PIP5K1B: variants seen among roughly 807,000 people sequenced by gnomAD.
PIP5K1B encodes phosphatidylinositol-4-phosphate 5-kinase type 1 beta.
PIP5K1B carries 42 observed loss-of-function variants against 67.0 expected under a neutral mutation model. That is an observed-to-expected ratio of 0.63 (90% CI 0.49 to 0.81). The LOEUF (loss-of-function observed/expected upper bound fraction) is 0.81, where lower values mean the gene tolerates loss of function less well. PIP5K1B is among the 30% of genes least tolerant of loss of function. The pLI is 0.00. For synonymous variants in PIP5K1B, 214 were observed against 231.4 expected, an observed-to-expected ratio of 0.92 and a Z score of 0.68; for missense variants, 459 against 646.3, an observed-to-expected ratio of 0.71 and a Z score of 3.14.
At chr9:68,963,662 GT>G (rs1828869113) in intron 14 of PIP5K1B, among the ~76,000 whole-genome samples, 1 of 152,182 alleles carries the variant, frequency 6.6e-6, no homozygotes, top group Non-Finnish European at 1.5e-5. Flanking sequence ...TGGTTCAGCT[GT>G]TACGGTGACT....
At chr9:68,944,114 A>G (rs1827688960) in intron 14 of PIP5K1B, among the ~76,000 whole-genome samples, 1 of 152,320 alleles carries the variant, frequency 6.6e-6, no homozygotes, top group Admixed American at 6.5e-5. Context: ...TATTTTCACA[A>G]GTTGCACTGT....
At chr9:68,924,478 A>G (rs1469584814) in intron 12 of PIP5K1B, among the ~76,000 whole-genome samples, 2 of 151,806 alleles carry the variant, frequency 1.3e-5, no homozygotes, top group Admixed American at 6.6e-5. Flanking sequence ...TTGAATAACT[A>G]GAAACAGAAG....
chr9:68,820,484 C>T (rs772240284), intron 3 of PIP5K1B, among the ~76,000 whole-genome samples: 6 of 152,130 alleles, frequency 3.9e-5, no homozygotes, highest in African/African-American at 7.2e-5. Context: ...GTTGGCTCAC[C>T]GTGATTCTTG....
intron 4 of PIP5K1B, among the ~76,000 whole-genome samples, chr9:68,838,755 G>A (rs563947126): frequency 1.3e-3 from 193 of 152,048 alleles, no homozygotes; most frequent in African/African-American, 4.1e-3. Context: ...AATAAAACTT[G>A]AAATAAATTT....
chr9:68,944,894 C>G (rs1827725271), intron 14 of PIP5K1B, among the ~76,000 whole-genome samples: 1 of 152,124 alleles, frequency 6.6e-6, no homozygotes, highest in African/African-American at 2.4e-5. Flanking sequence ...ATGCAGAAAC[C>G]TTACATGGTA....
intron 5 of PIP5K1B, 53 bp from the exon 6 acceptor site, chr9:68,876,624 G>C: frequency 1.0e-6 from 1 of 987,976 alleles, no homozygotes; most frequent in Non-Finnish European, 1.6e-6. Context: ...GGTCAAAATT[G>C]TCCTTGCTAA....
intron 7 of PIP5K1B, among the ~76,000 whole-genome samples, chr9:68,892,264 T>C (rs1824831117): frequency 6.6e-6 from 1 of 152,198 alleles, no homozygotes; most frequent in African/African-American, 2.4e-5. Context: ...CAAGTCTCAT[T>C]TGAAGAATGT....
At chr9:68,903,872 T>C (rs1489083696) in intron 8 of PIP5K1B, among the ~76,000 whole-genome samples, 1 of 152,226 alleles carries the variant, frequency 6.6e-6, no homozygotes, top group East Asian at 1.9e-4. Flanking sequence ...ATGTAATATG[T>C]AATCATCAAA....
At chr9:68,964,737 C>G (rs1828931377) in intron 14 of PIP5K1B, among the ~76,000 whole-genome samples, 2 of 152,228 alleles carry the variant, frequency 1.3e-5, no homozygotes, top group African/African-American at 2.4e-5. Flanking sequence ...GAGCAGCCAT[C>G]TGGGAAGACT....
At chr9:68,953,591 G>A (rs1828210196) in intron 14 of PIP5K1B, among the ~76,000 whole-genome samples, 1 of 151,940 alleles carries the variant, frequency 6.6e-6, no homozygotes, top group Non-Finnish European at 1.5e-5. Context: ...CGAGGTAGGA[G>A]GACTGTTGGA....
chr9:68,904,013 A>T (rs1450999716), intron 8 of PIP5K1B, among the ~76,000 whole-genome samples: 1 of 152,226 alleles, frequency 6.6e-6, no homozygotes, highest in Admixed American at 6.5e-5. Flanking sequence ...TCTATTACAT[A>T]TAGGTTCTCT....
At position 68,716,982 on chromosome 9, in the gene PIP5K1B, C is replaced by T. The variant is rs188600465; in HGVS notation, c.-243+11220C>T. ...GGCCGTTATCCTAAGCAAATTAACA[C>T]AGAAGCAACCAAATACCGCGTGTTC... On this transcript the variant is annotated intron_variant, in intron 1 of 15. Coordinates refer to ENST00000265382, the MANE Select transcript of PIP5K1B (RefSeq NM_003558.4). Among the ~76,000 whole-genome samples the T allele has an allele frequency of 4.6e-5, 7 of 152,300 alleles. No homozygotes were observed. In the East Asian group the frequency reaches 1.4e-3, roughly 29 times the overall value.
intron 2 of PIP5K1B, among the ~76,000 whole-genome samples, chr9:68,794,886 C>T (rs979798950): frequency 2.6e-5 from 4 of 152,012 alleles, no homozygotes; most frequent in Non-Finnish European, 5.9e-5. Context: ...TGTCAGGTTC[C>T]TTCTTGTGGG....
At chr9:68,875,813 T>G (rs1262954117) in intron 5 of PIP5K1B, among the ~76,000 whole-genome samples, 1 of 152,180 alleles carries the variant, frequency 6.6e-6, no homozygotes, top group East Asian at 1.9e-4. Flanking sequence ...ACTGAAAAAT[T>G]TAAGAATGAG....
intron 14 of PIP5K1B, among the ~76,000 whole-genome samples, chr9:68,971,730 T>A (rs1829381438): frequency 6.6e-6 from 1 of 152,276 alleles, no homozygotes; most frequent in Non-Finnish European, 1.5e-5. Context: ...TTGATTTGCA[T>A]TTCTCTAATG....
chr9:68,825,612 G>A (rs1400932737), intron 4 of PIP5K1B, among the ~76,000 whole-genome samples: 1 of 152,176 alleles, frequency 6.6e-6, no homozygotes, highest in Non-Finnish European at 1.5e-5. Flanking sequence ...AAGAAGCTTT[G>A]ATGACCCATT....
chr9:68,988,694 G>C (rs770998183), intron 14 of PIP5K1B, among the ~76,000 whole-genome samples: 12 of 152,024 alleles, frequency 7.9e-5, no homozygotes, highest in Non-Finnish European at 1.6e-4. Flanking sequence ...CAGATGATCT[G>C]CCCGCCTTGG....
intron 4 of PIP5K1B, among the ~76,000 whole-genome samples, chr9:68,822,982 A>G (rs1833803547): frequency 6.6e-6 from 1 of 152,078 alleles, no homozygotes. Context: ...TCCGGCTTCT[A>G]GAGGCTCCCT....
At chr9:68,925,284 G>A (rs774409643) in intron 12 of PIP5K1B, among the ~76,000 whole-genome samples, 17 of 152,230 alleles carry the variant, frequency 1.1e-4, no homozygotes, top group Non-Finnish European at 2.1e-4. Context: ...CCAAGAAAGG[G>A]GTACTAGGGT....
Sources: gnomAD v4.1 joint callset for allele counts (sites outside exome capture counted in the v4.1 genomes callset) on GRCh38, gnomAD v4.1.1 for gene constraint, MANE v1.5 for transcripts, NCBI Gene and HGNC (gene_info 2026-07-23, HGNC 2026-07-21) for gene names.